The following PDZRN3 variants were observed in gnomAD, a reference collection of about 807,000 sequenced individuals.
PDZRN3 encodes E3 ubiquitin-protein ligase PDZRN3.
Under a neutral mutation model 85.7 loss-of-function variants are expected in PDZRN3, and 38 were observed. The observed-to-expected ratio is 0.44, with a 90% CI of 0.34 to 0.58. PDZRN3 has a LOEUF of 0.58. Among genes scored for constraint, PDZRN3 ranks in the 20% least tolerant of loss-of-function variants. PDZRN3 has a pLI of 0.01. For missense variants in PDZRN3, 1,629 were observed against 1,506.4 expected, an observed-to-expected ratio of 1.08 and a Z score of -1.35; for synonymous variants, 759 against 638.0, an observed-to-expected ratio of 1.19 and a Z score of -2.86.
intron 5 of PDZRN3, among the ~76,000 whole-genome samples, chr3:73,398,761 T>C (rs755422321): frequency 1.3e-5 from 2 of 152,234 alleles, no homozygotes; most frequent in African/African-American, 2.4e-5. Context: ...GGCACCCTTA[T>C]TGAGCACCAG....
rs1291073646 is a variant in PDZRN3, at chr3:73,389,862, A to T, written c.1370T>A (p.Ile457Asn). Reference sequence around the variant, plus strand: ...TCGGATGCGCCCATCCTTGGCTGCAATGCTGTTAGGGTCAATCTGAAACAC... The same window carrying T: ...TCGGATGCGCCCATCCTTGGCTGCATTGCTGTTAGGGTCAATCTGAAACAC... The part of the protein sequence containing the change: ...IYISEIDPNS[I>N]AAKDGRIREG... Residue 457 changes from isoleucine to asparagine, a missense_variant, in exon 7 of 10, where the codon ATT (isoleucine) becomes AAT (asparagine). Physicochemically the swap from Ile to Asn is moderately radical, Grantham distance 149. Coordinates refer to ENST00000263666, the MANE Select transcript of PDZRN3 (RefSeq NM_015009.3). The T allele has an allele frequency of 6.2e-7, 1 of 1,613,834 alleles. No homozygotes were observed. The highest frequency in any genetic ancestry group is 1.1e-5 in the South Asian group (1 of 91,078).
rs368915626 is a variant in PDZRN3 at position 73,389,866 on chromosome 3, T to C, written c.1366A>G (p.Ser456Gly). The change falls in exon 7 of 10, where the codon AGC becomes GGC. Residue 456 changes from serine to glycine, a missense_variant. Coordinates refer to ENST00000263666, the MANE Select transcript of PDZRN3 (RefSeq NM_015009.3). ...ATGCGCCCATCCTTGGCTGCAATGC[T>C]GTTAGGGTCAATCTGAAACACACAT... is the stretch of plus-strand genomic sequence containing the variant. The part of the protein sequence containing the change: ...GIYISEIDPN[S>G]IAAKDGRIRE... The C allele has an allele frequency of 1.7e-5, 28 of 1,613,530 alleles. No homozygotes were observed. The highest frequency in any genetic ancestry group is 2.3e-5 in the Non-Finnish European group (27 of 1,179,518).
rs1704718364 is a variant in PDZRN3, at chr3:73,533,914, C to G, written c.918+68440G>C. On this transcript the variant is annotated intron_variant, in intron 3 of 9. Transcript: ENST00000263666. ...ACATCTGACTACAACTCTGTAGTCC[C>G]TACCCCCAATTCCCTACCCCCACTC... Among the ~76,000 whole-genome samples, 3 of 152,086 alleles carry G rather than the reference C, an allele frequency of 2.0e-5. 1 individual carries two copies. The South Asian group carries it at 6.2e-4, about 32-fold the overall frequency.
At chr3:73,436,390 C>G (rs1200283643) in intron 3 of PDZRN3, among the ~76,000 whole-genome samples, 1 of 152,160 alleles carries the variant, frequency 6.6e-6, no homozygotes, top group Non-Finnish European at 1.5e-5. Context: ...CCACCAGTCA[C>G]AGCACAATTG....
chr3:73,388,292 T>G (rs1701442062), intron 7 of PDZRN3: 1 of 404,850 alleles, frequency 2.5e-6, no homozygotes, highest in Admixed American at 4.4e-5. Context: ...ATGAGTATAG[T>G]TCATGAGGTG....
At chr3:73,438,532 C>G (rs553900510) in intron 3 of PDZRN3, among the ~76,000 whole-genome samples, 1 of 152,182 alleles carries the variant, frequency 6.6e-6, no homozygotes, top group African/African-American at 2.4e-5. Context: ...AGTGAGATGG[C>G]AGGACTGAGG....
chr3:73,566,659 G>C (rs1009600511), intron 3 of PDZRN3, among the ~76,000 whole-genome samples: 3 of 152,020 alleles, frequency 2.0e-5, no homozygotes, highest in African/African-American at 7.3e-5. Flanking sequence ...AATCCCAATT[G>C]GTCCAAGCCA....
intron 3 of PDZRN3, among the ~76,000 whole-genome samples, chr3:73,558,736 C>G (rs987687905): frequency 3.3e-5 from 5 of 152,182 alleles, no homozygotes; most frequent in African/African-American, 1.2e-4. Context: ...TGCAAAATGG[C>G]AGGAGAGGGT....
chr3:73,598,771 A>G (rs963565356), intron 3 of PDZRN3, among the ~76,000 whole-genome samples: 1 of 152,050 alleles, frequency 6.6e-6, no homozygotes, highest in South Asian at 2.1e-4. Flanking sequence ...TCATGTAGGC[A>G]GTCTAGCTGG....
chr3:73,388,102 G>T, intron 7 of PDZRN3, 33 bp from the exon 8 acceptor site: 1 of 1,022,806 alleles, frequency 9.8e-7, no homozygotes, highest in Non-Finnish European at 1.5e-6. Flanking sequence ...GGGGAGAGTG[G>T]GGAGACAAAT....
intron 3 of PDZRN3, among the ~76,000 whole-genome samples, chr3:73,476,885 C>T (rs1703469538): frequency 6.6e-6 from 1 of 152,182 alleles, no homozygotes; most frequent in Non-Finnish European, 1.5e-5. Context: ...TTGACTGCAA[C>T]CTCATGGGAC....
chr3:73,463,072 T>C (rs1423408748), intron 3 of PDZRN3, among the ~76,000 whole-genome samples: 1 of 152,144 alleles, frequency 6.6e-6, no homozygotes, highest in East Asian at 1.9e-4. Context: ...AGTGTTACCA[T>C]TGCAAGTAAG....
intron 4 of PDZRN3, 70 bp from the exon 5 acceptor site, chr3:73,401,079 T>C (rs758232847): frequency 8.8e-7 from 1 of 1,134,220 alleles, no homozygotes; most frequent in Non-Finnish European, 1.3e-6. Context: ...ACACCCATTG[T>C]CAGGCCAGTG....
chr3:73,603,984 C>T (rs944654098), intron 2 of PDZRN3, among the ~76,000 whole-genome samples: 23 of 151,994 alleles, frequency 1.5e-4, no homozygotes, highest in African/African-American at 5.6e-4. Context: ...TTTTTCCTGA[C>T]ATTTATCCCC....
At chr3:73,567,252 C>T (rs1290136797) in intron 3 of PDZRN3, among the ~76,000 whole-genome samples, 2 of 152,080 alleles carry the variant, frequency 1.3e-5, no homozygotes, top group Non-Finnish European at 2.9e-5. Context: ...TGGATACTTC[C>T]ACATCGAGCA....
intron 3 of PDZRN3, among the ~76,000 whole-genome samples, chr3:73,573,659 C>T (rs1702075252): frequency 1.3e-5 from 2 of 152,126 alleles, no homozygotes; most frequent in Non-Finnish European, 1.5e-5. Flanking sequence ...ATGGTAATAC[C>T]TCAGTTGTAA....
intron 3 of PDZRN3, among the ~76,000 whole-genome samples, chr3:73,529,484 T>G (rs922732813): frequency 6.6e-6 from 1 of 152,232 alleles, no homozygotes. Context: ...TGAGAACGTT[T>G]GCACTGCCAC....
At chr3:73,396,746 C>G (rs1701645622) in intron 5 of PDZRN3, among the ~76,000 whole-genome samples, 1 of 152,180 alleles carries the variant, frequency 6.6e-6, no homozygotes, top group Admixed American at 6.5e-5. Flanking sequence ...ACATAGGATG[C>G]TACTGATGAA....
At chr3:73,417,813 T>C (rs1343735761) in intron 3 of PDZRN3, among the ~76,000 whole-genome samples, 3 of 152,224 alleles carry the variant, frequency 2.0e-5, no homozygotes, top group East Asian at 1.9e-4. Context: ...GTAGAATGTA[T>C]AAACTGTCTC....
Sources: allele counts gnomAD v4.1 joint callset (sites outside exome capture counted in the v4.1 genomes callset), GRCh38; gene constraint gnomAD v4.1.1; transcripts MANE v1.5; gene names NCBI Gene and HGNC (gene_info 2026-07-23, HGNC 2026-07-21).